Variants in TYW1B observed in about 807,000 individuals in gnomAD.
TYW1B encodes S-adenosyl-L-methionine-dependent tRNA 4-demethylwyosine synthase TYW1B.
TYW1B carries 73 observed loss-of-function variants against 86.9 expected under a neutral mutation model. The observed-to-expected ratio is 0.84, with a 90% CI of 0.70 to 1.02. TYW1B has a LOEUF of 1.02. TYW1B is among the 50% of genes least tolerant of loss of function. The probability of loss-of-function intolerance (pLI) is 0.00; values close to 1 mark genes in which losing one functional copy is unlikely to be tolerated. For synonymous variants in TYW1B, 248 were observed against 292.8 expected, an observed-to-expected ratio of 0.85 and a Z score of 1.56; for missense variants, 637 against 827.4, an observed-to-expected ratio of 0.77 and a Z score of 2.82.
chr7:72,728,623 T>G (rs1563074014), intron 9 of TYW1B, among the ~76,000 whole-genome samples, 199 bp downstream of exon 9: 1 of 152,200 alleles, frequency 6.6e-6, no homozygotes, highest in Non-Finnish European at 1.5e-5. Flanking sequence ...TGCTACATTT[T>G]AAATTTTTAG....
rs117915063 is a variant in TYW1B, at chr7:72,800,231, A to G, written c.846+2169T>C. 5.5e-4 allele frequency among the ~76,000 whole-genome samples: 83 copies of G among 151,472 alleles called. 1 individual carries two copies. The East Asian group carries it at 0.015, about 28-fold the overall frequency. On this transcript the variant is annotated intron_variant, in intron 6 of 13. Transcript: ENST00000620995. The stretch of plus-strand genomic sequence containing the variant: ...TTTTTTTTTTGAAACAAGGTCTCCC[A>G]ATGTCATGCAGGCCGGGGTGCCGTG...
At chr7:72,683,451 T>G (rs1813928169) in intron 11 of TYW1B, among the ~76,000 whole-genome samples, 1 of 152,046 alleles carries the variant, frequency 6.6e-6, no homozygotes, top group Non-Finnish European at 1.5e-5. Context: ...GTGCCTATAA[T>G]CCTAGCTACT....
rs782699835 is a variant in TYW1B at position 72,628,947 on chromosome 7, G to A, written c.1557C>T (p.Asp519=). ...RLMLVKAWNV[D]ELQAYAQLVS... Reference sequence around the variant, plus strand: ...CGAGCTGCGCGTAGGCCTGGAGCTCGTCCACGTTCCATGCTTTCACGAGCA... The same window carrying A: ...CGAGCTGCGCGTAGGCCTGGAGCTCATCCACGTTCCATGCTTTCACGAGCA... The change falls in exon 12 of 14, where the codon GAC becomes GAT. Residue 519 remains aspartate (D), a synonymous_variant. Coordinates refer to ENST00000620995, the MANE Select transcript of TYW1B (RefSeq NM_001145440.3). The A allele has an allele frequency of 2.8e-5, 44 of 1,592,198 alleles. No individual in the cohort carries two copies. In the East Asian group the frequency reaches 7.4e-4, roughly 27 times the overall value.
chr7:72,655,966 C>T (rs1273530755), intron 11 of TYW1B, among the ~76,000 whole-genome samples: 2 of 152,212 alleles, frequency 1.3e-5, no homozygotes, highest in African/African-American at 2.4e-5. Context: ...AACCCACAGG[C>T]CCAGCCCATG....
chr7:72,688,212 T>G (rs35978378), intron 11 of TYW1B, among the ~76,000 whole-genome samples: 1 of 152,218 alleles, frequency 6.6e-6, no homozygotes, highest in Non-Finnish European at 1.5e-5. Context: ...CAATATTTAT[T>G]TTCTAAATGT....
In TYW1B at chr7:72,813,055, C is replaced by T. The variant is rs117691553; in HGVS notation, c.237+2325G>A. Among the ~76,000 whole-genome samples the T allele has an allele frequency of 8.4e-3, 1,276 of 152,092 alleles. 15 individuals are homozygous for T. The highest frequency in any genetic ancestry group is 0.01 in the Non-Finnish European group (711 of 67,992). On this transcript the variant is annotated intron_variant, in intron 3 of 13. Coordinates refer to ENST00000620995, the MANE Select transcript of TYW1B (RefSeq NM_001145440.3). ...CCATATTCATTCATTTACATATTAT[C>T]TATGGCTGTTTTGTGCCTCAGTGGC...
intron 8 of TYW1B, among the ~76,000 whole-genome samples, chr7:72,736,483 T>C (rs1374429108): frequency 2.0e-5 from 3 of 152,220 alleles, no homozygotes; most frequent in Non-Finnish European, 2.9e-5. Flanking sequence ...GAAGTTACTA[T>C]TTATTCTTAA....
At chr7:72,620,846 G>A (rs574451191) in intron 12 of TYW1B, among the ~76,000 whole-genome samples, 58 of 152,296 alleles carry the variant, frequency 3.8e-4, no homozygotes, top group Middle Eastern at 6.8e-3. Flanking sequence ...TGGGTACAGC[G>A]TGGTGATGGA....
intron 7 of TYW1B, among the ~76,000 whole-genome samples, chr7:72,773,712 G>C (rs1475788518): frequency 2.6e-5 from 4 of 152,130 alleles, no homozygotes; most frequent in Non-Finnish European, 5.9e-5. Flanking sequence ...ACCATTTTTG[G>C]AAGACTAGAC....
chr7:72,647,691 CTTT>C lies in TYW1B; in HGVS notation c.1507-18697_1507-18695del, dbSNP rs879972736. The stretch of plus-strand genomic sequence containing the variant: ...AGGAGTATTTGTTGACAAGGGGTAA[CTTT>C]TTTTTTTTTTGAGACAGTTTTGCTC... On this transcript the variant is annotated intron_variant, in intron 11 of 13. Transcript: ENST00000620995. Among the ~76,000 whole-genome samples the C allele has an allele frequency of 1.3e-4, 19 of 145,148 alleles. No individual in the cohort carries two copies. The East Asian group carries it at 2.0e-3, about 15-fold the overall frequency.
intron 13 of TYW1B, among the ~76,000 whole-genome samples, chr7:72,598,109 G>A (rs1245626685): frequency 1.3e-5 from 2 of 152,202 alleles, no homozygotes; most frequent in Non-Finnish European, 2.9e-5. Flanking sequence ...TAACATTTGA[G>A]TCAGTGGGCT....
intron 2 of TYW1B, among the ~76,000 whole-genome samples, chr7:72,821,988 G>A (rs1161943752): frequency 6.6e-6 from 1 of 151,884 alleles, no homozygotes; most frequent in Non-Finnish European, 1.5e-5. Context: ...GCTCAAGCCT[G>A]TAATCCTAAC....
rs547030047 is a variant in TYW1B, at chr7:72,713,778, C to G, written c.1213G>C (p.Glu405Gln). ...QFKGVPGVKA[E>Q]RFEEGMTVKH... The stretch of plus-strand genomic sequence containing the variant: ...ACCGTCATTCCTTCTTCAAAGCGTT[C>G]TGCTTTGACGCCCGGTACTCCTGGA... The change falls in exon 10 of 14, where the codon GAA becomes CAA. Residue 405 changes from glutamate (E) to glutamine (Q), a missense_variant. Glu to Gln is a conservative substitution (Grantham distance 29). Coordinates refer to ENST00000620995, the MANE Select transcript of TYW1B (RefSeq NM_001145440.3). 5.2e-5 allele frequency: 83 copies of G among 1,595,150 alleles called. No individual in the cohort carries two copies. The African/African-American group carries it at 1.1e-3, about 21-fold the overall frequency.
intron 7 of TYW1B, among the ~76,000 whole-genome samples, chr7:72,750,612 A>C (rs1787483513): frequency 6.6e-6 from 1 of 152,118 alleles, no homozygotes; most frequent in Admixed American, 6.6e-5. Flanking sequence ...CTTTCATCAA[A>C]TTTGGGCTAC....
rs563035358 is a variant in TYW1B at position 72,642,674 on chromosome 7, A to G, written c.1507-13677T>C. ...TCCCAGCACTTTGGGAGGCCAAGGC[A>G]GGTGGATCACAAGGTCAGCAGTTCG... is the stretch of plus-strand genomic sequence containing the variant. On this transcript the variant is annotated intron_variant, in intron 11 of 13. Transcript: ENST00000620995. Among the ~76,000 whole-genome samples the G allele has an allele frequency of 1.3e-3, 193 of 152,344 alleles. 1 individual carries two copies. Among genetic ancestry groups the G allele is most frequent in the Non-Finnish European group, 6.6e-4 (45 of 68,026 alleles).
At chr7:72,621,794 T>C (rs1252749971) in intron 12 of TYW1B, among the ~76,000 whole-genome samples, 13 of 152,202 alleles carry the variant, frequency 8.5e-5, no homozygotes, top group African/African-American at 2.9e-4. Flanking sequence ...AATACAAAAT[T>C]TCATTCACAT....
At chr7:72,694,165 G>A (rs2129570262) in intron 11 of TYW1B, among the ~76,000 whole-genome samples, 1 of 152,226 alleles carries the variant, frequency 6.6e-6, no homozygotes, top group Admixed American at 6.6e-5. Flanking sequence ...GTCTGACCAT[G>A]TTGGCCAGGC....
chr7:72,825,143 A>T (rs3960653), intron 2 of TYW1B, among the ~76,000 whole-genome samples: 1 of 151,702 alleles, frequency 6.6e-6, no homozygotes, highest in East Asian at 1.9e-4. Flanking sequence ...CAAAGTACAT[A>T]CCAGATAATC....
At chr7:72,809,188 G>A (rs1419242266) in intron 4 of TYW1B, among the ~76,000 whole-genome samples, 20 of 151,766 alleles carry the variant, frequency 1.3e-4, no homozygotes, top group Admixed American at 1.1e-3. Flanking sequence ...GACTACAGGC[G>A]CCCGTCACCA....
Sources: gnomAD v4.1 joint callset for allele counts (sites outside exome capture counted in the v4.1 genomes callset) on GRCh38, gnomAD v4.1.1 for gene constraint, MANE v1.5 for transcripts, NCBI Gene and HGNC (gene_info 2026-07-23, HGNC 2026-07-21) for gene names.